The following FMNL2 variants were observed in gnomAD, a reference collection of about 807,000 sequenced individuals.
FMNL2 encodes the protein formin-like protein 2.
Under a neutral mutation model 130.2 loss-of-function variants are expected in FMNL2, and 51 were observed. The observed-to-expected ratio is 0.39, with a 90% CI of 0.31 to 0.49. The LOEUF is 0.49. Among genes scored for constraint, FMNL2 ranks in the 20% least tolerant of loss-of-function variants. FMNL2 has a pLI of 0.85. For synonymous variants in FMNL2, 465 were observed against 467.1 expected (o/e 1.00, Z 0.06); for missense variants, 977 against 1,316.2 (o/e 0.74, Z 3.99).
intron 25 of FMNL2, among the ~76,000 whole-genome samples, chr2:152,647,050 T>C (rs1351062327): frequency 6.6e-6 from 1 of 152,182 alleles, no homozygotes; most frequent in African/African-American, 2.4e-5. Flanking sequence ...ACACAACTAC[T>C]TCTTGCTGAC....
In FMNL2 at chr2:152,617,144, A is replaced by C; in HGVS notation, c.1266A>C (p.Glu422Asp). 6.2e-7 allele frequency: 1 copy of C among 1,614,034 alleles called. No homozygotes were observed. The change falls in exon 13 of 26, where the codon GAA becomes GAC. Residue 422 changes from glutamate to aspartate, a missense_variant. Glu to Asp is a conservative substitution (Grantham distance 45, BLOSUM62 2). Transcript: ENST00000288670. Reference protein sequence around the residue: ...TENEAMSKIVELEKQLMQRNK... With the variant: ...TENEAMSKIVDLEKQLMQRNK... ...ATGAAGCCATGTCCAAGATTGTGGA[A>C]CTGGAAAAGCAACTCATGCAGAGGA...
chr2:152,547,631 C>A (rs1216442125), intron 3 of FMNL2, among the ~76,000 whole-genome samples: 1 of 152,146 alleles, frequency 6.6e-6, no homozygotes, highest in Non-Finnish European at 1.5e-5. Context: ...CCTTCATGGG[C>A]CACCAAGTCC....
At chr2:152,607,456 A>T (rs1221498061) in intron 10 of FMNL2, 43 bp downstream of exon 10, 1 of 1,380,282 alleles carries the variant, frequency 7.2e-7, no homozygotes, top group Non-Finnish European at 1.0e-6. Flanking sequence ...CAGTTTCAAT[A>T]CTTTTTTTCT....
intron 9 of FMNL2, among the ~76,000 whole-genome samples, chr2:152,589,382 A>G (rs1431870882): frequency 6.6e-6 from 1 of 152,160 alleles, no homozygotes; most frequent in Non-Finnish European, 1.5e-5. Flanking sequence ...TTCTATTCCT[A>G]TAAAAATGCC....
chr2:152,475,586 C>T (rs1410629754), intron 1 of FMNL2, among the ~76,000 whole-genome samples: 2 of 148,976 alleles, frequency 1.3e-5, no homozygotes, highest in Non-Finnish European at 3.0e-5. Flanking sequence ...CCTCCACCTC[C>T]CAGGTTCCCG....
intron 1 of FMNL2, among the ~76,000 whole-genome samples, chr2:152,360,529 C>G (rs901832657): frequency 1.8e-4 from 28 of 152,174 alleles, no homozygotes; most frequent in African/African-American, 6.5e-4. Flanking sequence ...TCCCTATTAA[C>G]AGATGGTCTG....
chr2:152,358,039 G>A (rs1199464521), intron 1 of FMNL2, among the ~76,000 whole-genome samples: 1 of 152,180 alleles, frequency 6.6e-6, no homozygotes, highest in African/African-American at 2.4e-5. Flanking sequence ...TGCCAGTGTG[G>A]CTAGAATAAA....
intron 23 of FMNL2, 63 bp from the exon 24 acceptor site, chr2:152,639,895 A>T (rs932917963): frequency 2.8e-6 from 4 of 1,421,684 alleles, no homozygotes; most frequent in Non-Finnish European, 1.9e-6. Flanking sequence ...GAATGACTTT[A>T]AAAAATCTTG....
At chr2:152,418,907 C>T (rs1686759601) in intron 1 of FMNL2, among the ~76,000 whole-genome samples, 1 of 151,454 alleles carries the variant, frequency 6.6e-6, no homozygotes, top group African/African-American at 2.4e-5. Flanking sequence ...GTCTGCTGCA[C>T]CCTAGCAATG....
At chr2:152,603,666 A>T (rs1050975583) in intron 9 of FMNL2, among the ~76,000 whole-genome samples, 5 of 150,348 alleles carry the variant, frequency 3.3e-5, no homozygotes, top group Non-Finnish European at 7.4e-5. Context: ...TGCCGTCCAC[A>T]TGTGCTTTTC....
At position 152,593,860 on chromosome 2, in the gene FMNL2, AGTGT is replaced by A. The variant is rs70974873; in HGVS notation, c.876+12851_876+12854del. Among the ~76,000 whole-genome samples, 176 of 113,246 alleles carry A rather than the reference AGTGT, an allele frequency of 1.6e-3. 1 individual carries two copies. The highest frequency in any genetic ancestry group is 4.8e-3 in the Middle Eastern group (1 of 208). 74.3% of individuals were successfully genotyped at this position (113,246 alleles called of 152,430 possible). On this transcript the variant is annotated intron_variant, in intron 9 of 25. Coordinates refer to ENST00000288670, the MANE Select transcript of FMNL2 (RefSeq NM_052905.4). ...TAGGGAGAGAGAGAGAGAGAGAGAG[AGTGT>A]GTGTGTGTGTGTGTGTGTGTGTGTG...
At chr2:152,366,502 C>T (rs1683561010) in intron 1 of FMNL2, among the ~76,000 whole-genome samples, 1 of 151,894 alleles carries the variant, frequency 6.6e-6, no homozygotes, top group African/African-American at 2.4e-5. Flanking sequence ...AGAATGAGAA[C>T]AGTGCATTTG....
intron 1 of FMNL2, among the ~76,000 whole-genome samples, chr2:152,400,648 G>T (rs1432470575): frequency 1.3e-5 from 2 of 152,132 alleles, no homozygotes; most frequent in East Asian, 3.8e-4. Context: ...TTAGAACAAG[G>T]TTTCTTAACC....
chr2:152,561,865 AC>A (rs1217793692), intron 6 of FMNL2, among the ~76,000 whole-genome samples: 1 of 152,158 alleles, frequency 6.6e-6, no homozygotes, highest in Non-Finnish European at 1.5e-5. Flanking sequence ...GGCATCAGCC[AC>A]CACACCCGGC....
intron 1 of FMNL2, among the ~76,000 whole-genome samples, chr2:152,461,613 C>T (rs1006237815): frequency 3.3e-5 from 5 of 152,172 alleles, no homozygotes; most frequent in Non-Finnish European, 7.3e-5. Flanking sequence ...ATTCTTTCTT[C>T]ACCCTAAACA....
intron 6 of FMNL2, among the ~76,000 whole-genome samples, chr2:152,567,811 G>T (rs979667397): frequency 6.6e-6 from 1 of 152,192 alleles, no homozygotes; most frequent in Non-Finnish European, 1.5e-5. Flanking sequence ...TTTATAGGTA[G>T]ATATTAGTTT....
At chr2:152,379,224 T>A (rs1684331277) in intron 1 of FMNL2, among the ~76,000 whole-genome samples, 1 of 152,136 alleles carries the variant, frequency 6.6e-6, no homozygotes, top group African/African-American at 2.4e-5. Context: ...AGAAGCCACT[T>A]TCCTGCTTTA....
intron 1 of FMNL2, among the ~76,000 whole-genome samples, chr2:152,413,890 A>C (rs1196868948): frequency 6.6e-6 from 1 of 152,204 alleles, no homozygotes; most frequent in Non-Finnish European, 1.5e-5. Flanking sequence ...AACAAGACAG[A>C]CCCATGTGGT....
At chr2:152,488,238 T>G (rs1044944352) in intron 1 of FMNL2, among the ~76,000 whole-genome samples, 6 of 152,240 alleles carry the variant, frequency 3.9e-5, no homozygotes, top group Admixed American at 2.6e-4. Context: ...GCAATCTACC[T>G]CTATATAAAG....
Sources: gnomAD v4.1 joint callset for allele counts (sites outside exome capture counted in the v4.1 genomes callset) on GRCh38, gnomAD v4.1.1 for gene constraint, MANE v1.5 for transcripts, NCBI Gene and HGNC (gene_info 2026-07-23, HGNC 2026-07-21) for gene names.